TMIGD3: variants seen among roughly 807,000 people sequenced by gnomAD.
TMIGD3 encodes the protein transmembrane and immunoglobulin domain containing 3, also known as AD026 protein (AD026).
Under a neutral mutation model 28.1 loss-of-function variants are expected in TMIGD3, and 21 were observed. The observed-to-expected ratio is 0.75, with a 90% CI of 0.53 to 1.08. The LOEUF is 1.08. Ranked by LOEUF, TMIGD3 falls within the 50% of genes least tolerant of loss-of-function variation. The pLI is 0.00. For missense variants in TMIGD3, 416 were observed against 435.6 expected (o/e 0.96, Z 0.40); for synonymous variants, 151 against 162.1 (o/e 0.93, Z 0.52).
At chr1:111,493,475 C>T (rs1654756785) in intron 1 of TMIGD3, among the ~76,000 whole-genome samples, 1 of 152,188 alleles carries the variant, frequency 6.6e-6, no homozygotes, top group South Asian at 2.1e-4. Context: ...ATGAGGCCCA[C>T]ACCAGAAGCC....
At chr1:111,521,275 T>A (rs1375222185) in intron 1 of TMIGD3, among the ~76,000 whole-genome samples, 1 of 152,184 alleles carries the variant, frequency 6.6e-6, no homozygotes, top group African/African-American at 2.4e-5. Context: ...TGTGAGGACA[T>A]GTTTTTGGGG....
rs1656927170 is a variant in TMIGD3, at chr1:111,543,631, AGGAGGAAGAGAAGGAGGAATAG to A, written c.107+20193_107+20214del. On this transcript the variant is annotated intron_variant, in intron 1 of 5. Transcript: ENST00000369717. The stretch of plus-strand genomic sequence containing the variant: ...GAGGAGGAAGAGAAGGAGGAATAGG[AGGAGGAAGAGAAGGAGGAATAG>A]GAGGAGGAAGAAGAGGAGGAAAAAG... 2.7e-5 allele frequency among the ~76,000 whole-genome samples: 4 copies of A among 148,454 alleles called. No homozygotes were observed. In the South Asian group the frequency reaches 9.0e-4, roughly 33 times the overall value.
chr1:111,545,401 A>G (rs1237051985), intron 1 of TMIGD3, among the ~76,000 whole-genome samples: 1 of 152,050 alleles, frequency 6.6e-6, no homozygotes, highest in African/African-American at 2.4e-5. Context: ...TCACATGCTT[A>G]TTGATCATTT....
intron 1 of TMIGD3, among the ~76,000 whole-genome samples, chr1:111,530,532 A>G (rs1656424977): frequency 1.3e-5 from 2 of 152,098 alleles, no homozygotes; most frequent in South Asian, 2.1e-4. Context: ...CTTACTTTTT[A>G]TAAGTCTGGA....
chr1:111,552,145 G>T (rs2101036966), intron 1 of TMIGD3, among the ~76,000 whole-genome samples: 1 of 152,310 alleles, frequency 6.6e-6, no homozygotes. Flanking sequence ...TGACTTTAGG[G>T]CTGGGCAAGC....
At chr1:111,496,156 G>T (rs945723641) in intron 1 of TMIGD3, among the ~76,000 whole-genome samples, 1 of 152,032 alleles carries the variant, frequency 6.6e-6, no homozygotes, top group Non-Finnish European at 1.5e-5. Context: ...TAAAATAAAA[G>T]TTTAAAACAT....
intron 1 of TMIGD3, among the ~76,000 whole-genome samples, chr1:111,510,537 T>C (rs914353307): frequency 6.6e-6 from 1 of 152,182 alleles, no homozygotes; most frequent in African/African-American, 2.4e-5. Flanking sequence ...CATTCATTTG[T>C]GTGTGAGCAG....
At chr1:111,561,922 G>A (rs539825326) in intron 1 of TMIGD3, among the ~76,000 whole-genome samples, 29 of 151,558 alleles carry the variant, frequency 1.9e-4, no homozygotes, top group Non-Finnish European at 3.4e-4. Flanking sequence ...CCTTGCCCCT[G>A]GCCTCTCCCT....
At chr1:111,496,284 T>C (rs1057398920) in intron 1 of TMIGD3, among the ~76,000 whole-genome samples, 1 of 152,232 alleles carries the variant, frequency 6.6e-6, no homozygotes, top group Non-Finnish European at 1.5e-5. Flanking sequence ...GAAAGCCAAA[T>C]GTGTGCCCCC....
intron 1 of TMIGD3, chr1:111,500,051 T>A: frequency 6.2e-7 from 1 of 1,614,234 alleles, no homozygotes; most frequent in Non-Finnish European, 8.5e-7. Context: ...AACTTCTTTA[T>A]TTTATAGGCA....
At chr1:111,559,434 T>C (rs1657643063) in intron 1 of TMIGD3, among the ~76,000 whole-genome samples, 1 of 152,122 alleles carries the variant, frequency 6.6e-6, no homozygotes, top group South Asian at 2.1e-4. Flanking sequence ...CAAAACCAAA[T>C]ATGGAAGTCA....
intron 1 of TMIGD3, among the ~76,000 whole-genome samples, chr1:111,512,417 T>C (rs892640087): frequency 6.6e-6 from 1 of 152,222 alleles, no homozygotes; most frequent in African/African-American, 2.4e-5. Flanking sequence ...CAGCCATGTG[T>C]TTCTGAATAT....
Position 111,488,749 on chromosome 1 carries a change from C to T in TMIGD3, c.733G>A (p.Asp245Asn). The T allele has an allele frequency of 8.1e-6, 13 of 1,614,222 alleles. No homozygotes were observed. The highest frequency in any genetic ancestry group is 1.1e-5 in the Non-Finnish European group (13 of 1,180,034). Residue 245 changes from aspartate to asparagine, a missense_variant, in exon 3 of 6, where the codon GAC becomes AAC. Coordinates refer to ENST00000369716, the MANE Select transcript of TMIGD3 (RefSeq NM_020683.7). ...ACAATCAGCTCTGTAAAATCCATGTCATCCCTGGCAAAGTCCCGCTGGATG... is the reference window on the plus strand; with the variant it reads ...ACAATCAGCTCTGTAAAATCCATGTTATCCCTGGCAAAGTCCCGCTGGATG... ...CGIQRDFARD[D>N]MDFTELIVTD...
At chr1:111,508,339 G>C (rs1655583125), upstream of TMIGD3, among the ~76,000 whole-genome samples, 2 of 152,172 alleles carry the variant, frequency 1.3e-5, no homozygotes, top group Non-Finnish European at 2.9e-5. Context: ...TCAAGTGTCT[G>C]AAAGAGTGAC....
At chr1:111,534,923 C>T (rs1043043478) in intron 1 of TMIGD3, among the ~76,000 whole-genome samples, 3 of 152,062 alleles carry the variant, frequency 2.0e-5, no homozygotes, top group South Asian at 2.1e-4. Context: ...AGCTGTATTC[C>T]GAACTAAAAC....
At chr1:111,548,023 T>A (rs2786972) in intron 1 of TMIGD3, among the ~76,000 whole-genome samples, 148,551 of 152,286 alleles carry the variant, frequency 0.98, 72,523 homozygotes, top group Non-Finnish European at 1. Flanking sequence ...TTTGTTTGTT[T>A]GTTTGTTTGT....
At chr1:111,532,065 G>C (rs1482660897) in intron 1 of TMIGD3, among the ~76,000 whole-genome samples, 3 of 151,858 alleles carry the variant, frequency 2.0e-5, no homozygotes, top group Non-Finnish European at 2.9e-5. Flanking sequence ...TTTTCACTCT[G>C]GCTGGGAGGA....
At chr1:111,544,034 A>G (rs1032746623) in intron 1 of TMIGD3, among the ~76,000 whole-genome samples, 6 of 152,216 alleles carry the variant, frequency 3.9e-5, no homozygotes, top group Admixed American at 3.3e-4. Context: ...CATAGTTTCC[A>G]ATCAAATGTA....
At chr1:111,501,505 C>G (rs1655173373) in intron 1 of TMIGD3, 1 of 152,054 alleles carries the variant, frequency 6.6e-6, no homozygotes, top group Admixed American at 6.5e-5. Flanking sequence ...TGATAGCCAC[C>G]ATTTATTGAG....
Sources: allele counts gnomAD v4.1 joint callset (sites outside exome capture counted in the v4.1 genomes callset), GRCh38; gene constraint gnomAD v4.1.1; transcripts MANE v1.5; gene names NCBI Gene and HGNC (gene_info 2026-07-23, HGNC 2026-07-21).